Variants in TSPO observed in about 807,000 individuals in gnomAD.
The protein encoded by TSPO is benzodiazepine peripheral binding site.
In TSPO, 14 loss-of-function variants were observed where a neutral mutation model predicts 13.9. The ratio of observed to expected loss-of-function variants is 1.01; its 90% CI spans 0.67 to 1.58. The LOEUF (loss-of-function observed/expected upper bound fraction) is 1.58, where lower values mean the gene tolerates loss of function less well. Among genes scored for constraint, TSPO ranks in the 40% most tolerant of loss-of-function variants. The pLI, the probability that TSPO is intolerant of heterozygous loss-of-function variation, is 0.00. For missense variants in TSPO, 232 were observed against 229.6 expected, an observed-to-expected ratio of 1.01 and a Z score of -0.07; for synonymous variants, 114 against 105.9, an observed-to-expected ratio of 1.08 and a Z score of -0.47.
intron 3 of TSPO, 101 bp from the exon 4 acceptor site, chr22:43,162,702 C>A: frequency 1.6e-6 from 2 of 1,236,868 alleles, no homozygotes; most frequent in Non-Finnish European, 2.2e-6. Context: ...GTGAGTGAGG[C>A]TCCTGACTCC....
intron 1 of TSPO, among the ~76,000 whole-genome samples, chr22:43,154,666 C>T (rs1931195937): frequency 6.6e-6 from 1 of 152,044 alleles, no homozygotes. Flanking sequence ...CCTTCTGGGT[C>T]ACCTATAGGG....
At chr22:43,155,409 G>A (rs762599779) in intron 1 of TSPO, among the ~76,000 whole-genome samples, 11 of 152,300 alleles carry the variant, frequency 7.2e-5, no homozygotes, top group African/African-American at 1.2e-4. Flanking sequence ...TACGTCCTGC[G>A]CCCTCTACCC....
chr22:43,157,983 A>G (rs752527443), intron 1 of TSPO, among the ~76,000 whole-genome samples: 11 of 152,240 alleles, frequency 7.2e-5, no homozygotes, highest in Non-Finnish European at 1.6e-4. Context: ...GTGGGGGGCC[A>G]GTCTTTAATA....
intron 1 of TSPO, among the ~76,000 whole-genome samples, chr22:43,157,456 C>T (rs181983635): frequency 2.6e-5 from 4 of 152,132 alleles, no homozygotes; most frequent in Middle Eastern, 3.4e-3. Context: ...ATTCAACAGG[C>T]GAGAAAACTG....
chr22:43,161,014 G>T (rs781286079), intron 2 of TSPO, 38 bp from the exon 3 acceptor site: 1 of 1,590,624 alleles, frequency 6.3e-7, no homozygotes, highest in Non-Finnish European at 8.6e-7. Context: ...TCCTGGCCTT[G>T]TTCCTAATGG....
chr22:43,158,794 A>G (rs1326716575), intron 1 of TSPO, among the ~76,000 whole-genome samples: 1 of 150,286 alleles, frequency 6.7e-6, no homozygotes, highest in East Asian at 1.9e-4. Flanking sequence ...ACTCTGTCTG[A>G]TACCAGTCAC....
chr22:43,153,347 T>A (rs1179900163), intron 1 of TSPO, among the ~76,000 whole-genome samples: 2 of 26,646 alleles, frequency 7.5e-5, no homozygotes, highest in Non-Finnish European at 9.4e-5. Context: ...TTTTTTTTTT[T>A]TTTTTTTTTT....
chr22:43,154,578 G>A (rs920246604), intron 1 of TSPO, among the ~76,000 whole-genome samples: 15 of 151,854 alleles, frequency 9.9e-5, no homozygotes, highest in Non-Finnish European at 1.6e-4. Context: ...GGCTGGTCTC[G>A]AACTCCTGAC....
At chr22:43,154,123 G>T (rs1419303283) in intron 1 of TSPO, among the ~76,000 whole-genome samples, 1 of 152,162 alleles carries the variant, frequency 6.6e-6, no homozygotes, top group Non-Finnish European at 1.5e-5. Context: ...AGACCTGTGG[G>T]CTGTTTCACT....
chr22:43,154,812 C>T lies in TSPO; in HGVS notation c.-30+3208C>T, dbSNP rs557946856. On this transcript the variant is annotated intron_variant, in intron 1 of 3. Transcript: ENST00000337554. ...GGGGTCTTCGGGCCAGGAGTGAAGC[C>T]TCACAAGACCTGGAGACCCTGGGTC... Among the ~76,000 whole-genome samples, 139 of 152,248 alleles carry T rather than the reference C, an allele frequency of 9.1e-4. No homozygotes were observed. The Middle Eastern group carries it at 0.02, about 22-fold the overall frequency.
chr22:43,156,303 G>A (rs913119123), intron 1 of TSPO, among the ~76,000 whole-genome samples: 21 of 152,226 alleles, frequency 1.4e-4, no homozygotes, highest in African/African-American at 5.1e-4. Context: ...AACACTGGGT[G>A]AGTCCCATTG....
Position 43,154,508 on chromosome 22 carries a change from G to T in TSPO, c.-30+2904G>T, listed in dbSNP as rs141026775. On this transcript the variant is annotated intron_variant, in intron 1 of 3. Coordinates refer to ENST00000337554, the MANE Select transcript of TSPO (RefSeq NM_000714.6). ...TGAGTAGCTGGGATTACAGACGTGC[G>T]CCACCACACCAGGCTAGTTTTTTAT... 4.4e-3 allele frequency among the ~76,000 whole-genome samples: 669 copies of T among 151,560 alleles called. 6 individuals are homozygous for T. The highest frequency in any genetic ancestry group is 0.015 in the African/African-American group (637 of 41,378).
intron 2 of TSPO, 117 bp downstream of exon 2, chr22:43,159,537 C>T: frequency 8.8e-7 from 1 of 1,140,372 alleles, no homozygotes; most frequent in Non-Finnish European, 1.1e-6. Flanking sequence ...TTCCCCAGCC[C>T]CATTTGGCAA....
At chr22:43,158,284 C>T (rs796394821) in intron 1 of TSPO, among the ~76,000 whole-genome samples, 1 of 152,218 alleles carries the variant, frequency 6.6e-6, no homozygotes, top group African/African-American at 2.4e-5. Context: ...GAGGTCCAGG[C>T]TCCCTCAGCA....
intron 1 of TSPO, among the ~76,000 whole-genome samples, chr22:43,153,193 A>G (rs1931142705): frequency 7.9e-6 from 1 of 126,686 alleles, no homozygotes; most frequent in Non-Finnish European, 1.7e-5. Flanking sequence ...TCACTCTGGT[A>G]TGCAGGCTGG....
chr22:43,157,106 G>A (rs895168353), intron 1 of TSPO, among the ~76,000 whole-genome samples: 2 of 152,036 alleles, frequency 1.3e-5, no homozygotes, highest in African/African-American at 4.8e-5. Flanking sequence ...AGGCTGAGCT[G>A]GGAGGTGGTC....
At chr22:43,157,229 C>A (rs1931278199) in intron 1 of TSPO, among the ~76,000 whole-genome samples, 1 of 146,824 alleles carries the variant, frequency 6.8e-6, no homozygotes, top group African/African-American at 2.7e-5. Context: ...TGACATCAGA[C>A]CCCCATCCCC....
intron 1 of TSPO, among the ~76,000 whole-genome samples, chr22:43,153,099 T>TCCCCTCCC (rs1170926340): frequency 1.7e-3 from 102 of 58,752 alleles, no homozygotes; most frequent in African/African-American, 4.7e-3. Flanking sequence ...CTTCCTTCCT[T>TCCCCTCCC]CTTTCCTTTC....
intron 1 of TSPO, 103 bp from the exon 2 acceptor site, chr22:43,159,107 G>C: frequency 1.1e-6 from 1 of 910,504 alleles, no homozygotes; most frequent in Non-Finnish European, 1.6e-6. Flanking sequence ...TCAGCTGACT[G>C]GTTGATCTGT....
Sources: gnomAD v4.1 joint callset for allele counts (sites outside exome capture counted in the v4.1 genomes callset) on GRCh38, gnomAD v4.1.1 for gene constraint, MANE v1.5 for transcripts, NCBI Gene and HGNC (gene_info 2026-07-23, HGNC 2026-07-21) for gene names.